Variants in ZNF106 observed in about 807,000 individuals in gnomAD.
ZNF106 encodes zinc finger protein 106.
In ZNF106, 67 loss-of-function variants were observed where a neutral mutation model predicts 195.1. The ratio of observed to expected loss-of-function variants is 0.34; its 90% confidence interval spans 0.28 to 0.42. The LOEUF is 0.42. ZNF106 is among the 10% of genes least tolerant of loss of function. The probability of loss-of-function intolerance (pLI) is 1.00; values close to 1 mark genes in which losing one functional copy is unlikely to be tolerated. For missense variants in ZNF106, 2,118 were observed against 2,304.5 expected, an observed-to-expected ratio of 0.92 and a Z score of 1.66; for synonymous variants, 784 against 818.6, an observed-to-expected ratio of 0.96 and a Z score of 0.72.
chr15:42,449,835 T>C lies in ZNF106; in HGVS notation c.2437A>G (p.Asn813Asp). Residue 813 changes from asparagine (N) to aspartate (D), a missense_variant, in exon 5 of 22, where the codon AAC becomes GAC. Coordinates refer to ENST00000564754, the MANE Select transcript of ZNF106 (RefSeq NM_001366845.3). ...ACTTGCTGAATGACCTGTTCCCAGTTGACATTTCTCCGAGATGCATTTAGA... is the reference window on the plus strand; with the variant it reads ...ACTTGCTGAATGACCTGTTCCCAGTCGACATTTCTCCGAGATGCATTTAGA... ...QILNASRRNV[N>D]WEQVIQQVTK... 1 of 1,614,206 alleles carries C rather than the reference T, an allele frequency of 6.2e-7. No individual in the cohort carries two copies. Among genetic ancestry groups the C allele is most frequent in the Non-Finnish European group, 8.5e-7 (1 of 1,180,026 alleles).
chr15:42,446,780 A>G (rs2055789786), intron 6 of ZNF106, 122 bp from the exon 7 acceptor site: 3 of 837,560 alleles, frequency 3.6e-6, no homozygotes, highest in Admixed American at 3.1e-5. Context: ...CATCTCTAAC[A>G]TGATCGTAGA....
intron 20 of ZNF106, among the ~76,000 whole-genome samples, chr15:42,418,514 C>T (rs2054536348): frequency 6.7e-6 from 1 of 148,464 alleles, no homozygotes; most frequent in South Asian, 2.1e-4. Context: ...TACAGGCGTG[C>T]ACCACCACGG....
chr15:42,449,800 T>C lies in ZNF106; in HGVS notation c.2472A>G (p.Lys824=), dbSNP rs368393945. 2.9e-5 allele frequency: 47 copies of C among 1,613,924 alleles called. 2 individuals are homozygous for C. Among genetic ancestry groups the C allele is most frequent in the Middle Eastern group, 1.6e-4 (1 of 6,082 alleles). The change falls in exon 5 of 22, where the codon AAA becomes AAG. Residue 824 remains lysine (K), a synonymous_variant. Coordinates refer to ENST00000564754, the MANE Select transcript of ZNF106 (RefSeq NM_001366845.3). ...WEQVIQQVTK[K]KQELGKGLPR... is the part of the protein sequence containing the mutation. ...GTAAGCCTTTGCCCAGCTCTTGCTT[T>C]TTCTTGGTTACTTGCTGAATGACCT...
At chr15:42,441,391 G>T (rs932624697) in intron 10 of ZNF106, among the ~76,000 whole-genome samples, 8 of 152,020 alleles carry the variant, frequency 5.3e-5, no homozygotes, top group Middle Eastern at 3.4e-3. Flanking sequence ...GATTAATATT[G>T]CAACATAGTA....
At position 42,457,128 on chromosome 15, in the gene ZNF106, C is replaced by A; in HGVS notation, c.147G>T (p.Gly49=). ...ATGCAGAAAGACCCACTTCTGTGAC[C>A]CCGCACACTCGGCACTCATGACTAA... ...RDISHECRVC[G]VTEVGLSAYA... Residue 49 remains glycine, a synonymous_variant, in exon 4 of 22, where the codon GGG becomes GGT. Coordinates refer to ENST00000564754, the MANE Select transcript of ZNF106 (RefSeq NM_001366845.3). 1 of 1,614,116 alleles carries A rather than the reference C, an allele frequency of 6.2e-7. No individual in the cohort carries two copies. The highest frequency in any genetic ancestry group is 8.5e-7 in the Non-Finnish European group (1 of 1,180,028).
At chr15:42,456,811 T>C (rs963851133) in intron 4 of ZNF106, 147 bp downstream of exon 4, 19 of 718,912 alleles carry the variant, frequency 2.6e-5, no homozygotes, top group South Asian at 1.2e-4. Context: ...AAACATTCCA[T>C]TGCCCTTTGA....
At chr15:42,433,775 C>A (rs981031743) in intron 14 of ZNF106, among the ~76,000 whole-genome samples, 1 of 152,104 alleles carries the variant, frequency 6.6e-6, no homozygotes, top group East Asian at 1.9e-4. Flanking sequence ...TCTCAAAGTG[C>A]GGTCCCCAAA....
Position 42,415,332 on chromosome 15 carries a change from G to C in ZNF106, c.*1972C>G. 6 of 420,726 alleles carry C rather than the reference G, an allele frequency of 1.4e-5. No individual in the cohort carries two copies. Among genetic ancestry groups the C allele is most frequent in the South Asian group, 1.0e-4 (6 of 58,060 alleles). 26.1% of individuals were successfully genotyped at this position (420,726 alleles called of 1,614,324 possible). A position where few individuals can be genotyped will look rare whatever the true frequency, so the allele number is the denominator to read the frequency against. ...AGACGGGGTTTCACTATGTTGGCCA[G>C]GCTGGTCTCAAATGCCTGACCTTGA... On this transcript the variant is annotated 3_prime_UTR_variant, in exon 22 of 22. Coordinates refer to ENST00000564754, the MANE Select transcript of ZNF106 (RefSeq NM_001366845.3).
intron 17 of ZNF106, among the ~76,000 whole-genome samples, chr15:42,423,019 T>C (rs2054725161): frequency 1.3e-5 from 2 of 152,074 alleles, no homozygotes; most frequent in Non-Finnish European, 2.9e-5. Flanking sequence ...AAAAGCTGCC[T>C]CTATGACCTG....
At chr15:42,476,835 T>A (rs1391599281) in intron 1 of ZNF106, among the ~76,000 whole-genome samples, 1 of 152,192 alleles carries the variant, frequency 6.6e-6, no homozygotes, top group Non-Finnish European at 1.5e-5. Context: ...GTCAACTGTA[T>A]ACTTTCTCTT....
chr15:42,479,148 T>G (rs1165903945), intron 1 of ZNF106, among the ~76,000 whole-genome samples: 2 of 151,708 alleles, frequency 1.3e-5, no homozygotes, highest in African/African-American at 2.4e-5. Context: ...CCGAGGTGGG[T>G]GGATCACCTG....
chr15:42,444,112 CAAAAAAAAAAAA>C (rs58966014), intron 9 of ZNF106, 78 bp downstream of exon 9: 19 of 248,922 alleles, frequency 7.6e-5, no homozygotes, highest in African/African-American at 2.3e-4. Context: ...ACTCTGTCTC[CAAAAAAAAAAAA>C]AAAAAAAAAA....
intron 4 of ZNF106, among the ~76,000 whole-genome samples, chr15:42,454,660 G>A (rs1240572856): frequency 6.6e-6 from 1 of 151,980 alleles, no homozygotes; most frequent in Non-Finnish European, 1.5e-5. Context: ...AAGGTGGGTG[G>A]ATCACTTGAG....
rs1237203694 is a variant in ZNF106 at position 42,416,168 on chromosome 15, CAG to C, written c.*1134_*1135del. The C allele has an allele frequency of 6.6e-6, 1 of 152,256 alleles. No individual in the cohort carries two copies. Among genetic ancestry groups the C allele is most frequent in the African/African-American group, 2.4e-5 (1 of 41,458 alleles). 9.4% of individuals were successfully genotyped at this position (152,256 alleles called of 1,614,324 possible). ...AATTTGGCTGTTCTCAGTGGCCAGG[CAG>C]AGTCTCTGCTCCACTCTTCTTTCCC... is the stretch of plus-strand genomic sequence containing the variant. On this transcript the variant is annotated 3_prime_UTR_variant, in exon 22 of 22. Coordinates refer to ENST00000564754, the MANE Select transcript of ZNF106 (RefSeq NM_001366845.3).
At chr15:42,458,576 T>C (rs2056304926) in intron 3 of ZNF106, among the ~76,000 whole-genome samples, 2 of 151,862 alleles carry the variant, frequency 1.3e-5, no homozygotes, top group African/African-American at 4.8e-5. Flanking sequence ...GGTGTGGTGG[T>C]GTGCACCTGT....
chr15:42,473,171 T>C (rs941732220), intron 1 of ZNF106, among the ~76,000 whole-genome samples: 2 of 152,198 alleles, frequency 1.3e-5, no homozygotes, highest in Non-Finnish European at 2.9e-5. Flanking sequence ...AGATTTGGAA[T>C]GTTCCGATTT....
intron 3 of ZNF106, among the ~76,000 whole-genome samples, chr15:42,464,138 A>G (rs1163233462): frequency 3.3e-5 from 5 of 152,088 alleles, no homozygotes; most frequent in Non-Finnish European, 5.9e-5. Context: ...TCAGGAGTTC[A>G]AGATCAGTCT....
At chr15:42,469,724 G>T (rs2056618839) in intron 2 of ZNF106, among the ~76,000 whole-genome samples, 1 of 151,964 alleles carries the variant, frequency 6.6e-6, no homozygotes, top group Non-Finnish European at 1.5e-5. Context: ...TGTAGTCCCA[G>T]CTACTCAGGA....
intron 16 of ZNF106, 74 bp downstream of exon 16, chr15:42,424,760 G>A (rs967787161): frequency 6.1e-6 from 9 of 1,476,934 alleles, no homozygotes; most frequent in African/African-American, 2.8e-5. Flanking sequence ...GACTACAGAC[G>A]TGAGCCACCT....
Sources: gnomAD v4.1 joint callset for allele counts (sites outside exome capture counted in the v4.1 genomes callset) on GRCh38, gnomAD v4.1.1 for gene constraint, MANE v1.5 for transcripts, NCBI Gene and HGNC (gene_info 2026-07-23, HGNC 2026-07-21) for gene names.